The following IPMK variants were observed in gnomAD, a reference collection of about 807,000 sequenced individuals.
IPMK encodes inositol polyphosphate multikinase, also known as inositol 1,3,4,6-tetrakisphosphate 5-kinase.
A neutral mutation model predicts 45.8 loss-of-function variants in IPMK; 17 were observed. The ratio of observed to expected loss-of-function variants is 0.37; its 90% confidence interval spans 0.25 to 0.56. The LOEUF (loss-of-function observed/expected upper bound fraction) is 0.56. Ranked by LOEUF, IPMK falls within the 20% of genes least tolerant of loss-of-function variation. The probability of loss-of-function intolerance (pLI) is 0.79; values close to 1 mark genes in which losing one functional copy is unlikely to be tolerated. For synonymous variants in IPMK, 180 were observed against 184.3 expected (o/e 0.98, Z 0.19); for missense variants, 399 against 498.0 (o/e 0.80, Z 1.89).
At chr10:58,204,107 A>C (rs1838037455) in intron 4 of IPMK, among the ~76,000 whole-genome samples, 1 of 152,176 alleles carries the variant, frequency 6.6e-6, no homozygotes, top group Non-Finnish European at 1.5e-5. Context: ...CATGCCTTTA[A>C]TAATAGTGCT....
At chr10:58,211,901 C>CAAAAAAAAAAAA (rs753050298) in intron 4 of IPMK, among the ~76,000 whole-genome samples, 44 of 50,366 alleles carry the variant, frequency 8.7e-4, no homozygotes, top group African/African-American at 3.1e-3. Flanking sequence ...GACATCTCAC[C>CAAAAAAAAAAAA]AAAAAAAAAA....
chr10:58,267,432 C>A lies in IPMK; in HGVS notation c.180G>T (p.Lys60Asn). 1 of 1,613,892 alleles carries A rather than the reference C, an allele frequency of 6.2e-7. No individual in the cohort carries two copies. The highest frequency in any genetic ancestry group is 8.5e-7 in the Non-Finnish European group (1 of 1,179,862). The change falls in exon 1 of 6, where the codon AAG becomes AAT. Residue 60 changes from lysine to asparagine, a missense_variant. This residue lies in a region of IPMK where 111 missense variants were observed against 99.9 expected (regional missense o/e 1.11). Coordinates refer to ENST00000373935, the MANE Select transcript of IPMK (RefSeq NM_152230.5). ...GCCACCCCCACTTACCCACTTTGTC[C>A]TTCCCGTACATGTGCCCGGCCACCT... Reference protein sequence around the residue: ...SHQVAGHMYGKDKVGILQHPD... With the variant: ...SHQVAGHMYGNDKVGILQHPD...
chr10:58,222,523 G>C (rs1490624781), intron 3 of IPMK, among the ~76,000 whole-genome samples: 2 of 152,168 alleles, frequency 1.3e-5, no homozygotes, highest in Non-Finnish European at 2.9e-5. Context: ...CTAAGACAGA[G>C]AGTCTGTAAA....
At chr10:58,226,954 A>T (rs935119673) in intron 3 of IPMK, 89 bp downstream of exon 3, 1 of 770,884 alleles carries the variant, frequency 1.3e-6, no homozygotes, top group Non-Finnish European at 2.1e-6. Flanking sequence ...TATAATACAT[A>T]CTCAGTTAAA....
chr10:58,226,106 A>G (rs971377016), intron 3 of IPMK, among the ~76,000 whole-genome samples: 2 of 152,122 alleles, frequency 1.3e-5, no homozygotes, highest in African/African-American at 4.8e-5. Context: ...TACTCAAGGG[A>G]GCCATCAATT....
At chr10:58,239,070 G>A (rs1312394561) in intron 1 of IPMK, among the ~76,000 whole-genome samples, 1 of 152,118 alleles carries the variant, frequency 6.6e-6, no homozygotes, top group Non-Finnish European at 1.5e-5. Flanking sequence ...GATGGCTTGA[G>A]CCCAGGAGTT....
chr10:58,235,302 A>C (rs1013668546), intron 2 of IPMK, among the ~76,000 whole-genome samples: 4 of 152,214 alleles, frequency 2.6e-5, no homozygotes, highest in African/African-American at 9.7e-5. Context: ...TTGACCCAGC[A>C]ATCCCATTAC....
chr10:58,206,565 C>T (rs959448290), intron 4 of IPMK, among the ~76,000 whole-genome samples: 2 of 152,142 alleles, frequency 1.3e-5, no homozygotes, highest in South Asian at 2.1e-4. Flanking sequence ...TCATACAATA[C>T]CCTATTTGCT....
chr10:58,200,114 C>T (rs948855689), intron 4 of IPMK, among the ~76,000 whole-genome samples: 1 of 151,986 alleles, frequency 6.6e-6, no homozygotes, highest in Non-Finnish European at 1.5e-5. Context: ...AATAAAAATA[C>T]CAACTTTTTT....
At chr10:58,262,919 G>A (rs1207189987) in intron 1 of IPMK, among the ~76,000 whole-genome samples, 1 of 131,652 alleles carries the variant, frequency 7.6e-6, no homozygotes, top group Non-Finnish European at 1.5e-5. Context: ...CAGAGGGAGT[G>A]AAAGAATGGG....
intron 4 of IPMK, among the ~76,000 whole-genome samples, chr10:58,207,410 C>T (rs1374072424): frequency 6.6e-6 from 1 of 152,188 alleles, no homozygotes; most frequent in African/African-American, 2.4e-5. Context: ...AACTTCTTTT[C>T]CTTTGGGTAC....
chr10:58,225,910 C>T (rs2790232), intron 3 of IPMK, among the ~76,000 whole-genome samples: 12,599 of 152,024 alleles, frequency 0.083, 1,326 homozygotes, highest in African/African-American at 0.25. Flanking sequence ...ATCATAATGA[C>T]TTGTAAACTA....
chr10:58,197,334 A>ATACATACATACATACATACATACATAC (rs1564526560), intron 5 of IPMK, among the ~76,000 whole-genome samples: 2 of 147,646 alleles, frequency 1.4e-5, no homozygotes, highest in African/African-American at 5.1e-5. Flanking sequence ...TAAATACATA[A>ATACATACATACATACATACATACATAC]ATACATAAAC....
chr10:58,254,432 G>C (rs1457624988), intron 1 of IPMK, among the ~76,000 whole-genome samples: 1 of 151,684 alleles, frequency 6.6e-6, no homozygotes, highest in Non-Finnish European at 1.5e-5. Flanking sequence ...TTCGTTTCTG[G>C]AGTGTTTTCC....
At chr10:58,198,954 C>T (rs996295153) in intron 5 of IPMK, among the ~76,000 whole-genome samples, 7 of 151,788 alleles carry the variant, frequency 4.6e-5, no homozygotes, top group African/African-American at 1.7e-4. Context: ...ACCTCTAGTT[C>T]CAGTATTGAG....
At chr10:58,242,336 T>C (rs1421574688) in intron 1 of IPMK, among the ~76,000 whole-genome samples, 1 of 151,726 alleles carries the variant, frequency 6.6e-6, no homozygotes, top group Admixed American at 6.6e-5. Context: ...GGCGGACGCC[T>C]GTAGTCTCAG....
intron 1 of IPMK, among the ~76,000 whole-genome samples, chr10:58,256,872 C>T (rs918942823): frequency 2.0e-5 from 3 of 152,112 alleles, no homozygotes; most frequent in South Asian, 2.1e-4. Flanking sequence ...AGACCAGCCT[C>T]GGCAACATAG....
chr10:58,224,577 C>G (rs1180650481), intron 3 of IPMK, among the ~76,000 whole-genome samples: 1 of 152,068 alleles, frequency 6.6e-6, no homozygotes, highest in Non-Finnish European at 1.5e-5. Context: ...CTCAATAAAA[C>G]TATCATAACA....
At chr10:58,259,033 C>A (rs2790159) in intron 1 of IPMK, among the ~76,000 whole-genome samples, 51,477 of 151,892 alleles carry the variant, frequency 0.34, 10,960 homozygotes, top group African/African-American at 0.61. Flanking sequence ...TGGAGGGAGG[C>A]AAAAAAGAAC....
Sources: allele counts gnomAD v4.1 joint callset (sites outside exome capture counted in the v4.1 genomes callset), GRCh38; gene constraint gnomAD v4.1.1; regional missense constraint gnomAD v4.1.1; transcripts MANE v1.5; gene names NCBI Gene and HGNC (gene_info 2026-07-23, HGNC 2026-07-21).